Variants in LDLRAD4 observed in about 807,000 individuals in gnomAD.
The protein encoded by LDLRAD4 is low density lipoprotein receptor class A domain containing 4, also known as low-density lipoprotein receptor class A domain-containing protein 4.
Under a neutral mutation model 17.0 loss-of-function variants are expected in LDLRAD4, and 5 were observed. The observed-to-expected ratio is 0.29, with a 90% CI of 0.15 to 0.62. The LOEUF (loss-of-function observed/expected upper bound fraction) is 0.62. Among genes scored for constraint, LDLRAD4 ranks in the 20% least tolerant of loss-of-function variants. LDLRAD4 has a pLI of 0.84. For synonymous variants in LDLRAD4, 168 were observed against 171.8 expected (o/e 0.98, Z 0.17); for missense variants, 340 against 424.7 (o/e 0.80, Z 1.75).
At chr18:13,536,594 G>A (rs760461914) in intron 3 of LDLRAD4, among the ~76,000 whole-genome samples, 1 of 151,112 alleles carries the variant, frequency 6.6e-6, no homozygotes, top group African/African-American at 2.4e-5. Flanking sequence ...TTCCCAGCCT[G>A]TATGCCTTTA....
At chr18:13,234,305 C>G (rs928645311) in intron 1 of LDLRAD4, among the ~76,000 whole-genome samples, 4 of 152,240 alleles carry the variant, frequency 2.6e-5, no homozygotes, top group African/African-American at 9.6e-5. Context: ...ACCCAGAACT[C>G]TCCCTGGGTG....
In LDLRAD4 at chr18:13,438,357, G is replaced by C. The variant is rs200069437; in HGVS notation, c.154G>C (p.Glu52Gln). The C allele has an allele frequency of 1.2e-6, 2 of 1,614,066 alleles. No homozygotes were observed. Among genetic ancestry groups the C allele is most frequent in the Admixed American group, 1.7e-5 (1 of 60,028 alleles). Residue 52 changes from glutamate to glutamine, a missense_variant, in exon 3 of 6, where the codon GAG becomes CAG. Physicochemically the swap from Glu to Gln is conservative, Grantham distance 29. Coordinates refer to ENST00000359446, the Ensembl canonical transcript of LDLRAD4. ...CGAAGAGAACTGTCTCCTGGTGACCGAGCACCCGCCTCCGGGCATCTTCAA... is the reference window on the plus strand; with the variant it reads ...CGAAGAGAACTGTCTCCTGGTGACCCAGCACCCGCCTCCGGGCATCTTCAA...
chr18:13,433,438 C>T (rs1600233174), intron 2 of LDLRAD4, among the ~76,000 whole-genome samples: 1 of 152,164 alleles, frequency 6.6e-6, no homozygotes, highest in Non-Finnish European at 1.5e-5. Flanking sequence ...AGATGTAATG[C>T]TGTATATAGG....
intron 4 of LDLRAD4, among the ~76,000 whole-genome samples, chr18:13,628,655 G>C (rs907505974): frequency 6.6e-6 from 1 of 152,214 alleles, no homozygotes; most frequent in Non-Finnish European, 1.5e-5. Context: ...AGGAGGCCAA[G>C]CGGCCCGGCA....
intron 3 of LDLRAD4, among the ~76,000 whole-genome samples, chr18:13,459,064 A>G (rs992666132): frequency 6.6e-6 from 1 of 150,610 alleles, no homozygotes; most frequent in African/African-American, 2.4e-5. Flanking sequence ...CTGTAATCTC[A>G]GCACTTTGGT....
At chr18:13,486,835 C>T (rs994044565) in intron 3 of LDLRAD4, 1 of 152,156 alleles carries the variant, frequency 6.6e-6, no homozygotes, top group Non-Finnish European at 1.5e-5. Flanking sequence ...CAAGCAGCCC[C>T]GCAGAGCCCC....
At chr18:13,424,117 G>A (rs1485708495) in intron 2 of LDLRAD4, among the ~76,000 whole-genome samples, 1 of 144,140 alleles carries the variant, frequency 6.9e-6, no homozygotes, top group Non-Finnish European at 1.5e-5. Flanking sequence ...CCTGGGCGAC[G>A]AGAGTGAAAC....
chr18:13,478,787 A>C (rs145629453), intron 3 of LDLRAD4, among the ~76,000 whole-genome samples: 25 of 152,366 alleles, frequency 1.6e-4, no homozygotes, highest in African/African-American at 6.0e-4. Context: ...TCTAAAGTTT[A>C]TATGGAAAGG....
At chr18:13,539,287 G>T (rs2094242302) in intron 3 of LDLRAD4, among the ~76,000 whole-genome samples, 1 of 152,220 alleles carries the variant, frequency 6.6e-6, no homozygotes, top group Admixed American at 6.5e-5. Context: ...GGGAGCAACT[G>T]TGTGCTTGTT....
chr18:13,604,535 G>T (rs1483235785), intron 3 of LDLRAD4, among the ~76,000 whole-genome samples: 5 of 152,182 alleles, frequency 3.3e-5, no homozygotes, highest in African/African-American at 1.2e-4. Context: ...TAAAAACTGA[G>T]AACTAGAATA....
chr18:13,479,884 T>G (rs1040347302), intron 3 of LDLRAD4, among the ~76,000 whole-genome samples: 3 of 152,198 alleles, frequency 2.0e-5, no homozygotes, highest in Non-Finnish European at 4.4e-5. Context: ...GAGATCCCAC[T>G]GTATACCTCT....
intron 3 of LDLRAD4, among the ~76,000 whole-genome samples, chr18:13,530,757 G>A (rs1290687561): frequency 6.6e-6 from 1 of 152,170 alleles, no homozygotes; most frequent in African/African-American, 2.4e-5. Flanking sequence ...CCCCCAGAGT[G>A]AGAGCTGTGG....
At chr18:13,233,896 C>G (rs1229707864) in intron 1 of LDLRAD4, among the ~76,000 whole-genome samples, 1 of 152,148 alleles carries the variant, frequency 6.6e-6, no homozygotes, top group Non-Finnish European at 1.5e-5. Context: ...CTCCCTGCCC[C>G]TCAGCCCCCC....
chr18:13,516,482 G>A (rs1398575445), intron 3 of LDLRAD4, among the ~76,000 whole-genome samples: 1 of 152,206 alleles, frequency 6.6e-6, no homozygotes, highest in Non-Finnish European at 1.5e-5. Context: ...AGGGTGTGCT[G>A]TGGAGAGACC....
chr18:13,376,771 G>A (rs927503556), intron 1 of LDLRAD4, among the ~76,000 whole-genome samples: 1 of 152,226 alleles, frequency 6.6e-6, no homozygotes, highest in Non-Finnish European at 1.5e-5. Context: ...CGGGATACAT[G>A]GTACCTGTCT....
chr18:13,487,071 G>C (rs1479758826), intron 3 of LDLRAD4: 1 of 152,184 alleles, frequency 6.6e-6, no homozygotes, highest in Non-Finnish European at 1.5e-5. Context: ...TGCTTCTCAG[G>C]CATTTGAAGT....
intron 1 of LDLRAD4, among the ~76,000 whole-genome samples, chr18:13,254,115 A>G (rs1197559532): frequency 3.3e-5 from 5 of 152,258 alleles, no homozygotes; most frequent in Non-Finnish European, 7.3e-5. Context: ...ACTGAGGGGA[A>G]GCCCAGGGAT....
At chr18:13,410,929 C>G (rs2088275377) in intron 2 of LDLRAD4, among the ~76,000 whole-genome samples, 1 of 152,082 alleles carries the variant, frequency 6.6e-6, no homozygotes, top group African/African-American at 2.4e-5. Context: ...CTCATGGCCA[C>G]CAGAGAAGAT....
At chr18:13,273,241 T>C (rs1348712642), upstream of LDLRAD4, among the ~76,000 whole-genome samples, 1 of 152,178 alleles carries the variant, frequency 6.6e-6, no homozygotes, top group Non-Finnish European at 1.5e-5. Context: ...TCCGTGTGTT[T>C]TCTGTCCCAT....
Sources: gnomAD v4.1 joint callset for allele counts (sites outside exome capture counted in the v4.1 genomes callset) on GRCh38, gnomAD v4.1.1 for gene constraint, MANE v1.5 for transcripts, NCBI Gene and HGNC (gene_info 2026-07-23, HGNC 2026-07-21) for gene names.